The following MUSK variants were observed in gnomAD, a reference collection of about 807,000 sequenced individuals.
MUSK encodes muscle associated receptor tyrosine kinase, also known as muscle, skeletal receptor tyrosine-protein kinase.
A neutral mutation model predicts 88.7 loss-of-function variants in MUSK; 55 were observed. The ratio of observed to expected loss-of-function variants is 0.62; its 90% confidence interval spans 0.50 to 0.78. The LOEUF is 0.78. Ranked by LOEUF, MUSK falls within the 30% of genes least tolerant of loss-of-function variation. The pLI, the probability that MUSK is intolerant of heterozygous loss-of-function variation, is 0.00. For missense variants in MUSK, 1,015 were observed against 1,074.3 expected (o/e 0.94, Z 0.77); for synonymous variants, 387 against 391.9 (o/e 0.99, Z 0.15).
At chr9:110,744,718 T>C (rs4144418) in intron 6 of MUSK, among the ~76,000 whole-genome samples, 67,074 of 151,950 alleles carry the variant, frequency 0.44, 15,750 homozygotes, top group African/African-American at 0.57. Flanking sequence ...ACAGCTAACT[T>C]AGAAAGACAG....
chr9:110,711,920 T>C (rs1388145312), intron 5 of MUSK, among the ~76,000 whole-genome samples: 1 of 152,186 alleles, frequency 6.6e-6, no homozygotes, highest in Non-Finnish European at 1.5e-5. Flanking sequence ...TTTTAAAGCT[T>C]TATAAATTGT....
chr9:110,687,400 T>C lies in MUSK; in HGVS notation c.358+132T>C, dbSNP rs371438251. ...CTCAGGCTGGAGTGCAGTGGCATGA[T>C]CTCGGTTCACTGCAACCTCCACCTC... On this transcript the variant is annotated intron_variant, in intron 3 of 14. Transcript: ENST00000374448. 6.5e-4 allele frequency: 677 copies of C among 1,043,746 alleles called. 2 individuals are homozygous for C. The African/African-American group carries it at 9.6e-3, about 15-fold the overall frequency. The allele number at this position is 1,043,746 out of a possible 1,614,324, so 64.7% of individuals were successfully genotyped here. A position where few individuals can be genotyped will look rare whatever the true frequency, so the allele number is the denominator to read the frequency against.
intron 1 of MUSK, among the ~76,000 whole-genome samples, chr9:110,670,223 A>G (rs1230511857): frequency 2.0e-5 from 3 of 152,066 alleles, no homozygotes; most frequent in Non-Finnish European, 4.4e-5. Flanking sequence ...GATAAAAGAG[A>G]CTCTAGATCT....
chr9:110,698,235 C>A (rs2076458643), intron 5 of MUSK, among the ~76,000 whole-genome samples: 1 of 152,148 alleles, frequency 6.6e-6, no homozygotes, highest in South Asian at 2.1e-4. Flanking sequence ...ATTTTTGGCT[C>A]CTAGCTTTCT....
chr9:110,775,790 A>T lies in MUSK; in HGVS notation c.1187A>T (p.Glu396Val). The change falls in exon 10 of 15, where the codon GAG becomes GTG. Residue 396 changes from glutamate to valine, a missense_variant and splice_region_variant. By Grantham distance (121) the Glu-to-Val change is moderately radical (BLOSUM62 -2). Transcript: ENST00000374448. ...VVPTPIPICREYCLAVKELFC... is the reference protein window; with the variant it reads ...VVPTPIPICRVYCLAVKELFC... Reference sequence around the variant, plus strand: ...TTGTTCTCCATATACTATTTTAGAGAGTACTGCTTGGCAGTAAAGGAGCTC... The same window carrying T: ...TTGTTCTCCATATACTATTTTAGAGTGTACTGCTTGGCAGTAAAGGAGCTC... 1 of 1,613,430 alleles carries T rather than the reference A, an allele frequency of 6.2e-7. No homozygotes were observed. The highest frequency in any genetic ancestry group is 8.5e-7 in the Non-Finnish European group (1 of 1,179,408).
At position 110,747,765 on chromosome 9, in the gene MUSK, G is replaced by A; in HGVS notation, c.878G>A (p.Ser293Asn). ...ACCAATAAGCATGGGGAGAAGTTCA[G>A]TACTGCCAAGGCTGCAGCCACCATC... ...IATNKHGEKF[S>N]TAKAAATISI... is the part of the protein sequence containing the mutation. The change falls in exon 7 of 15, where the codon AGT becomes AAT. Residue 293 changes from serine to asparagine, a missense_variant. Ser to Asn is a conservative substitution (Grantham distance 46). Coordinates refer to ENST00000374448, the MANE Select transcript of MUSK (RefSeq NM_005592.4). 1.2e-6 allele frequency: 2 copies of A among 1,613,900 alleles called. No homozygotes were observed. The highest frequency in any genetic ancestry group is 4.5e-5 in the East Asian group (2 of 44,878).
intron 7 of MUSK, among the ~76,000 whole-genome samples, chr9:110,756,441 G>A (rs1473288365): frequency 2.0e-5 from 3 of 151,670 alleles, no homozygotes; most frequent in Admixed American, 2.0e-4. Flanking sequence ...ACACAGGAAT[G>A]TCCCATGTCC....
intron 5 of MUSK, among the ~76,000 whole-genome samples, chr9:110,720,605 T>A (rs1048787329): frequency 6.6e-6 from 1 of 151,866 alleles, no homozygotes; most frequent in African/African-American, 2.4e-5. Context: ...AATTTTAAAA[T>A]TGCCAAGAAA....
intron 7 of MUSK, among the ~76,000 whole-genome samples, chr9:110,759,234 G>T (rs1266391775): frequency 1.3e-5 from 2 of 152,120 alleles, no homozygotes; most frequent in African/African-American, 2.4e-5. Context: ...AATGGGGAAA[G>T]AATCCCTATT....
At chr9:110,689,739 A>AGTTTAT (rs1564217984) in intron 3 of MUSK, among the ~76,000 whole-genome samples, 1 of 10,492 alleles carries the variant, frequency 9.5e-5, no homozygotes, top group Non-Finnish European at 1.9e-4. Context: ...GTTTATATAT[A>AGTTTAT]ATATTATATA....
chr9:110,681,104 T>TATTA (rs2076124028), intron 1 of MUSK, among the ~76,000 whole-genome samples: 1 of 58,194 alleles, frequency 1.7e-5, no homozygotes, highest in African/African-American at 9.2e-5. Context: ...TTATATAATA[T>TATTA]ATATTATATA....
chr9:110,692,854 A>G (rs577577616), intron 3 of MUSK, among the ~76,000 whole-genome samples: 5 of 15,386 alleles, frequency 3.2e-4, no homozygotes, highest in East Asian at 2.9e-3. Flanking sequence ...TTTCCTTCAG[A>G]AAAAAAAAAA....
At chr9:110,734,227 T>C (rs756530857) in intron 5 of MUSK, 24 bp from the exon 6 acceptor site, 1 of 1,600,300 alleles carries the variant, frequency 6.2e-7, no homozygotes, top group Non-Finnish European at 8.5e-7. Context: ...GGAGCGTCAC[T>C]CACCACTTCT....
chr9:110,797,246 T>C (rs997988802), intron 14 of MUSK, among the ~76,000 whole-genome samples: 2 of 143,478 alleles, frequency 1.4e-5, no homozygotes, highest in African/African-American at 2.6e-5. Flanking sequence ...GACTTCATTG[T>C]AATGCATAGG....
At position 110,800,583 on chromosome 9, in the gene MUSK, G is replaced by A. The variant is rs989787162; in HGVS notation, c.2205G>A (p.Glu735=). ...DLATRNCLVG[E]NMVVKIADFG... is the part of the protein sequence containing the mutation. Reference sequence around the variant, plus strand: ...CCACCAGGAACTGCCTGGTGGGCGAGAACATGGTGGTGAAAATTGCCGACT... The same window carrying A: ...CCACCAGGAACTGCCTGGTGGGCGAAAACATGGTGGTGAAAATTGCCGACT... Residue 735 remains glutamate, a synonymous_variant, in exon 15 of 15, where the codon GAG becomes GAA. Coordinates refer to ENST00000374448, the MANE Select transcript of MUSK (RefSeq NM_005592.4). 2.2e-5 allele frequency: 36 copies of A among 1,611,806 alleles called. No homozygotes were observed. Among genetic ancestry groups the A allele is most frequent in the African/African-American group, 4.0e-5 (3 of 74,848 alleles).
intron 14 of MUSK, among the ~76,000 whole-genome samples, chr9:110,791,121 A>C (rs1342801922): frequency 1.3e-5 from 2 of 152,120 alleles, no homozygotes; most frequent in Non-Finnish European, 2.9e-5. Flanking sequence ...AGATGGCCGA[A>C]TAGGAACAGC....
chr9:110,776,028 G>A, intron 10 of MUSK, 65 bp downstream of exon 10: 1 of 1,494,704 alleles, frequency 6.7e-7, no homozygotes, highest in Non-Finnish European at 9.0e-7. Context: ...AGAAACTAAG[G>A]TGTGAACTTA....
At position 110,785,031 on chromosome 9, in the gene MUSK, T is replaced by G; in HGVS notation, c.1586+15T>G. 1 of 1,609,316 alleles carries G rather than the reference T, an allele frequency of 6.2e-7. No individual in the cohort carries two copies. Among genetic ancestry groups the G allele is most frequent in the Non-Finnish European group, 8.5e-7 (1 of 1,176,314 alleles). ...AATAAGAAAAGGTGAGATTCTAGTT[T>G]CAGCTAACCATGTGTAGTAATATTT... On this transcript the variant is annotated intron_variant, in intron 12 of 14. Transcript: ENST00000374448.
chr9:110,762,286 G>C (rs2077413778), intron 8 of MUSK, 78 bp downstream of exon 8: 2 of 1,192,198 alleles, frequency 1.7e-6, no homozygotes, highest in South Asian at 2.5e-5. Flanking sequence ...TTGTCTGTGA[G>C]AGGGTCTTGT....
Sources: gnomAD v4.1 joint callset for allele counts (sites outside exome capture counted in the v4.1 genomes callset) on GRCh38, gnomAD v4.1.1 for gene constraint, MANE v1.5 for transcripts, NCBI Gene and HGNC (gene_info 2026-07-23, HGNC 2026-07-21) for gene names.